Variants in PSTPIP2 observed in about 807,000 individuals in gnomAD.
The protein encoded by PSTPIP2 is proline-serine-threonine phosphatase-interacting protein 2.
Under a neutral mutation model 63.3 loss-of-function variants are expected in PSTPIP2, and 33 were observed. That is an observed-to-expected ratio of 0.52 (90% CI 0.40 to 0.70). The LOEUF is 0.70. Among genes scored for constraint, PSTPIP2 ranks in the 30% least tolerant of loss-of-function variants. PSTPIP2 has a pLI of 0.00. For synonymous variants in PSTPIP2, 125 were observed against 132.7 expected (o/e 0.94, Z 0.40); for missense variants, 312 against 400.7 (o/e 0.78, Z 1.89).
At chr18:46,005,941 T>C (rs1280336025) in intron 5 of PSTPIP2, among the ~76,000 whole-genome samples, 1 of 152,234 alleles carries the variant, frequency 6.6e-6, no homozygotes, top group Non-Finnish European at 1.5e-5. Flanking sequence ...TTGTAAACAT[T>C]CATTTCTGCA....
chr18:45,995,965 G>A (rs1449374375), intron 9 of PSTPIP2, among the ~76,000 whole-genome samples: 2 of 152,150 alleles, frequency 1.3e-5, no homozygotes, highest in African/African-American at 2.4e-5. Flanking sequence ...ACAGGTGCTT[G>A]CCACCACATC....
chr18:46,056,176 G>A lies in PSTPIP2; in HGVS notation c.33+15980C>T, dbSNP rs572616217. 8.0e-4 allele frequency among the ~76,000 whole-genome samples: 122 copies of A among 152,284 alleles called. 1 individual carries two copies. The highest frequency in any genetic ancestry group is 2.1e-3 in the Admixed American group (32 of 15,302). On this transcript the variant is annotated intron_variant, in intron 1 of 14. Coordinates refer to ENST00000409746, the MANE Select transcript of PSTPIP2 (RefSeq NM_024430.4). ...GCTTCTTATGTCCAGGTGGTCCCTCGGCAATGTAGATCCCTTAGCTGGTCT... is the reference window on the plus strand; with the variant it reads ...GCTTCTTATGTCCAGGTGGTCCCTCAGCAATGTAGATCCCTTAGCTGGTCT...
At chr18:46,012,629 C>T (rs527560273) in intron 4 of PSTPIP2, among the ~76,000 whole-genome samples, 6 of 152,126 alleles carry the variant, frequency 3.9e-5, no homozygotes, top group African/African-American at 1.4e-4. Context: ...AAAAATTAGC[C>T]GGGCATGGTG....
intron 2 of PSTPIP2, among the ~76,000 whole-genome samples, chr18:46,031,019 G>T (rs1907772286): frequency 6.6e-6 from 1 of 152,130 alleles, no homozygotes; most frequent in Admixed American, 6.5e-5. Context: ...AATCAGTATT[G>T]ATTACTGTGT....
chr18:46,028,295 A>C, intron 2 of PSTPIP2: 1 of 456,176 alleles, frequency 2.2e-6, no homozygotes, highest in South Asian at 1.8e-5. Context: ...CCGAAGCGTT[A>C]GCCCGGAACG....
At chr18:45,999,228 C>T (rs2051637932) in intron 7 of PSTPIP2, among the ~76,000 whole-genome samples, 1 of 152,170 alleles carries the variant, frequency 6.6e-6, no homozygotes, top group South Asian at 2.1e-4. Context: ...ACCCCATCTC[C>T]CTCCCTCATA....
intron 8 of PSTPIP2, among the ~76,000 whole-genome samples, chr18:45,998,150 C>T (rs1428425116): frequency 6.6e-6 from 1 of 152,200 alleles, no homozygotes; most frequent in African/African-American, 2.4e-5. Flanking sequence ...TTTCCCATCG[C>T]TTTTCATTTT....
At chr18:45,986,419 G>A (rs2051466676) in intron 14 of PSTPIP2, among the ~76,000 whole-genome samples, 1 of 152,172 alleles carries the variant, frequency 6.6e-6, no homozygotes, top group African/African-American at 2.4e-5. Flanking sequence ...GTACTATTAA[G>A]CTACTAGAAT....
intron 3 of PSTPIP2, among the ~76,000 whole-genome samples, chr18:46,021,634 A>G (rs1599720827): frequency 6.6e-6 from 1 of 151,802 alleles, no homozygotes; most frequent in East Asian, 1.9e-4. Flanking sequence ...TGCCTCTGTG[A>G]CAATGATCAA....
At chr18:46,028,668 A>G (rs1907680848) in intron 2 of PSTPIP2, 1 of 853,356 alleles carries the variant, frequency 1.2e-6, no homozygotes, top group Non-Finnish European at 2.0e-6. Context: ...AATGGTTGAC[A>G]TGATGAACAA....
chr18:46,021,848 C>CAAAAAAAA (rs59094808), intron 3 of PSTPIP2, among the ~76,000 whole-genome samples: 32 of 33,310 alleles, frequency 9.6e-4, no homozygotes, highest in African/African-American at 2.8e-3. Flanking sequence ...GACTCTGTCT[C>CAAAAAAAA]AAAAAAAAAA....
intron 3 of PSTPIP2, among the ~76,000 whole-genome samples, chr18:46,017,519 A>G (rs993195986): frequency 6.6e-6 from 1 of 152,132 alleles, no homozygotes; most frequent in Non-Finnish European, 1.5e-5. Context: ...TCTGGAACTC[A>G]GCATTGACCT....
intron 5 of PSTPIP2, among the ~76,000 whole-genome samples, chr18:46,009,160 C>A (rs577205130): frequency 6.6e-6 from 1 of 151,988 alleles, no homozygotes; most frequent in Non-Finnish European, 1.5e-5. Flanking sequence ...ACATTAGCTG[C>A]GAGGGACCAT....
chr18:46,036,327 T>C (rs1369092486), intron 2 of PSTPIP2, among the ~76,000 whole-genome samples: 2 of 152,110 alleles, frequency 1.3e-5, no homozygotes, highest in Non-Finnish European at 2.9e-5. Flanking sequence ...CATCCTTATG[T>C]TACAATTGAA....
At chr18:46,028,195 T>C (rs1907653006) in intron 2 of PSTPIP2, 3 of 357,478 alleles carry the variant, frequency 8.4e-6, no homozygotes, top group Non-Finnish European at 1.7e-5. Flanking sequence ...CAGTGAGGTT[T>C]CACGCGAGCG....
chr18:46,067,502 C>CAAAAA lies in PSTPIP2; in HGVS notation c.33+4649_33+4653dup, dbSNP rs534950641. 5.1e-5 allele frequency among the ~76,000 whole-genome samples: 6 copies of CAAAAA among 118,288 alleles called. 1 individual carries two copies. Among genetic ancestry groups the CAAAAA allele is most frequent in the African/African-American group, 1.6e-4 (5 of 31,524 alleles). The allele number at this position is 118,288 out of a possible 152,430, so 77.6% of individuals were successfully genotyped here. A position where few individuals can be genotyped will look rare whatever the true frequency, so the allele number is the denominator to read the frequency against. On this transcript the variant is annotated intron_variant, in intron 1 of 14. Coordinates refer to ENST00000409746, the MANE Select transcript of PSTPIP2 (RefSeq NM_024430.4). ...TGGGCAACAGGGCGAGACTCTGTCT[C>CAAAAA]AAAAAAAAAAAAAAAAAATGTTGGC...
At chr18:46,039,908 T>C (rs747934757) in intron 2 of PSTPIP2, 39 bp downstream of exon 2, 4 of 1,535,278 alleles carry the variant, frequency 2.6e-6, no homozygotes, top group Non-Finnish European at 3.6e-6. Context: ...GGAGACATCT[T>C]GGCCCACCCT....
intron 1 of PSTPIP2, among the ~76,000 whole-genome samples, chr18:46,051,914 C>A (rs991223231): frequency 2.6e-5 from 4 of 152,172 alleles, no homozygotes; most frequent in East Asian, 1.9e-4. Context: ...CATCATATTA[C>A]CGGGCAAATC....
At chr18:46,022,064 G>GT (rs1568219548) in intron 3 of PSTPIP2, among the ~76,000 whole-genome samples, 1 of 147,854 alleles carries the variant, frequency 6.8e-6, no homozygotes, top group Non-Finnish European at 1.5e-5. Flanking sequence ...TATTATGTTC[G>GT]TTTTTTTACT....
Sources: gnomAD v4.1 joint callset for allele counts (sites outside exome capture counted in the v4.1 genomes callset) on GRCh38, gnomAD v4.1.1 for gene constraint, MANE v1.5 for transcripts, NCBI Gene and HGNC (gene_info 2026-07-23, HGNC 2026-07-21) for gene names.